Variants in SH3RF2 observed in about 807,000 individuals in gnomAD.
SH3RF2 encodes the protein E3 ubiquitin-protein ligase SH3RF2.
In SH3RF2, 43 loss-of-function variants were observed where a neutral mutation model predicts 59.0. The observed-to-expected ratio is 0.73, with a 90% CI of 0.57 to 0.94. The LOEUF (loss-of-function observed/expected upper bound fraction) is 0.94. SH3RF2 is among the 40% of genes least tolerant of loss of function. The probability of loss-of-function intolerance (pLI) is 0.00; values close to 1 mark genes in which losing one functional copy is unlikely to be tolerated. For missense variants in SH3RF2, 930 were observed against 940.1 expected (o/e 0.99, Z 0.14); for synonymous variants, 391 against 391.5 (o/e 1.00, Z 0.01).
Position 146,017,139 on chromosome 5 carries a change from G to A in SH3RF2, c.1059+3078G>A, listed in dbSNP as rs115139363. 3.9e-3 allele frequency among the ~76,000 whole-genome samples: 601 copies of A among 152,270 alleles called. 5 individuals are homozygous for A. The highest frequency in any genetic ancestry group is 0.017 in the Middle Eastern group (5 of 294). On this transcript the variant is annotated intron_variant, in intron 5 of 9. Coordinates refer to ENST00000359120, the MANE Select transcript of SH3RF2 (RefSeq NM_152550.4). ...CTTGAAACTTCTGGGTAGAGCATCA[G>A]GAAATGACCTCACAGATGAACTGCA...
intron 2 of SH3RF2, among the ~76,000 whole-genome samples, chr5:145,945,429 A>G (rs1381622593): frequency 6.6e-6 from 1 of 152,238 alleles, no homozygotes; most frequent in Non-Finnish European, 1.5e-5. Context: ...CTTGATTAAG[A>G]CAAAGAATTC....
In SH3RF2 at chr5:145,949,635, G is replaced by A. The variant is rs946669303; in HGVS notation, c.378+11329G>A. Among the ~76,000 whole-genome samples the A allele has an allele frequency of 2.0e-5, 3 of 152,156 alleles. No homozygotes were observed. In the South Asian group the frequency reaches 6.2e-4, roughly 32 times the overall value. ...GAATTCCCACAGCTGAGAGAAAGCC[G>A]AGTAGATTGGTTTGATGCATAAGGG... On this transcript the variant is annotated intron_variant, in intron 2 of 9. Transcript: ENST00000359120.
chr5:146,069,082 G>T (rs2150027609), intron 9 of SH3RF2, among the ~76,000 whole-genome samples: 1 of 151,994 alleles, frequency 6.6e-6, no homozygotes, highest in Middle Eastern at 3.4e-3. Flanking sequence ...GGAATTTTTA[G>T]TGCAACCCAT....
chr5:145,975,267 G>A (rs911909446), intron 2 of SH3RF2, among the ~76,000 whole-genome samples: 2 of 152,164 alleles, frequency 1.3e-5, no homozygotes, highest in African/African-American at 4.8e-5. Context: ...TTAACAAAAT[G>A]GCTCCAAAAG....
intron 9 of SH3RF2, among the ~76,000 whole-genome samples, chr5:146,077,955 C>T (rs73313963): frequency 3.7e-4 from 57 of 152,010 alleles, no homozygotes; most frequent in Admixed American, 4.6e-4. Flanking sequence ...TTGGCAGTAA[C>T]GGATGATAAC....
chr5:145,978,980 G>A (rs1157294791), intron 2 of SH3RF2, among the ~76,000 whole-genome samples: 1 of 152,134 alleles, frequency 6.6e-6, no homozygotes, highest in African/African-American at 2.4e-5. Context: ...GTTTTCCTGT[G>A]CTCATACTTC....
Position 146,029,514 on chromosome 5 carries a change from G to T in SH3RF2, c.1059+15453G>T, listed in dbSNP as rs142780466. 4.8e-3 allele frequency among the ~76,000 whole-genome samples: 736 copies of T among 152,230 alleles called. 3 individuals are homozygous for T. The highest frequency in any genetic ancestry group is 8.4e-3 in the Non-Finnish European group (572 of 68,028). ...CACATAGGCCCATCATCTGAGACTC[G>T]GTGATTCCATATCATTCTATTGGGC... is the stretch of plus-strand genomic sequence containing the variant. On this transcript the variant is annotated intron_variant, in intron 5 of 9. Coordinates refer to ENST00000359120, the MANE Select transcript of SH3RF2 (RefSeq NM_152550.4).
chr5:146,004,868 C>T (rs1383594354), intron 4 of SH3RF2, among the ~76,000 whole-genome samples: 1 of 152,050 alleles, frequency 6.6e-6, no homozygotes, highest in African/African-American at 2.4e-5. Flanking sequence ...TGTGAATATA[C>T]TTAACACTAC....
In SH3RF2 at chr5:146,049,178, A is replaced by T. The variant is rs751401833; in HGVS notation, c.1255A>T (p.Arg419Trp). Residue 419 changes from arginine (R) to tryptophan (W), a missense_variant, in exon 7 of 10, where the codon AGG (arginine) becomes TGG (tryptophan). By Grantham distance (101) the Arg-to-Trp change is moderately radical (BLOSUM62 -3). Coordinates refer to ENST00000359120, the MANE Select transcript of SH3RF2 (RefSeq NM_152550.4). The stretch of plus-strand genomic sequence containing the variant: ...GGGGAAGTGCCAGGACGGCTGGCTC[A>T]GGGGCGTCTCCTTGGTCACCGGGCG... ...VLGKCQDGWL[R>W]GVSLVTGRVG... is the part of the protein sequence containing the mutation. The T allele has an allele frequency of 2.4e-5, 38 of 1,614,006 alleles. No individual in the cohort carries two copies. Among genetic ancestry groups the T allele is most frequent in the Admixed American group, 3.3e-5 (2 of 60,000 alleles).
rs775298323 is a variant in SH3RF2 at position 146,056,119 on chromosome 5, GC to G, written c.1464del (p.Thr489LeufsTer3). On this transcript the variant is annotated frameshift_variant, in exon 8 of 10. Transcript: ENST00000359120. LOFTEE classifies it high-confidence loss of function. ...GCCGTCCCTTCAAATCCGTCTTTGTGCCCACTGCCATAGTCAACCCCGTGAG... is the reference window on the plus strand; with the variant it reads ...GCCGTCCCTTCAAATCCGTCTTTGTGCCACTGCCATAGTCAACCCCGTGAG... ...QSRPFKSVFVPTAIVNPVRST... is the reference protein window; with the variant it reads ...QSRPFKSVFVXTAIVNPVRST... 6.2e-7 allele frequency: 1 copy of G among 1,614,200 alleles called. No homozygotes were observed.
intron 2 of SH3RF2, among the ~76,000 whole-genome samples, chr5:145,991,570 G>A (rs1051767234): frequency 6.6e-6 from 1 of 151,918 alleles, no homozygotes; most frequent in Non-Finnish European, 1.5e-5. Context: ...TATCCAAAAC[G>A]GAGAAAAAGA....
At chr5:145,973,218 T>C (rs1759154994) in intron 2 of SH3RF2, among the ~76,000 whole-genome samples, 1 of 152,076 alleles carries the variant, frequency 6.6e-6, no homozygotes, top group Non-Finnish European at 1.5e-5. Context: ...AACTCAGAAA[T>C]CAGAGGCAGA....
intron 2 of SH3RF2, among the ~76,000 whole-genome samples, chr5:145,960,062 AT>A (rs1758572564): frequency 6.6e-6 from 1 of 152,120 alleles, no homozygotes; most frequent in African/African-American, 2.4e-5. Flanking sequence ...TATGTATTTA[AT>A]TTTGTTTTAG....
At chr5:145,982,071 G>C (rs1759527175) in intron 2 of SH3RF2, among the ~76,000 whole-genome samples, 1 of 152,226 alleles carries the variant, frequency 6.6e-6, no homozygotes, top group Non-Finnish European at 1.5e-5. Flanking sequence ...TGTGTTTACA[G>C]AAGATGATTA....
intron 5 of SH3RF2, among the ~76,000 whole-genome samples, chr5:146,014,551 A>T (rs545740516): frequency 6.6e-6 from 1 of 152,336 alleles, no homozygotes; most frequent in South Asian, 2.1e-4. Flanking sequence ...AGGACTGGTT[A>T]CCTACATTTA....
At chr5:146,004,494 G>T (rs745894362) in intron 4 of SH3RF2, among the ~76,000 whole-genome samples, 2 of 152,128 alleles carry the variant, frequency 1.3e-5, no homozygotes, top group African/African-American at 2.4e-5. Flanking sequence ...TGCAAAGATA[G>T]ATGTACAAAA....
At chr5:146,059,145 C>G (rs1378269394) in intron 8 of SH3RF2, among the ~76,000 whole-genome samples, 1 of 152,146 alleles carries the variant, frequency 6.6e-6, no homozygotes, top group Non-Finnish European at 1.5e-5. Context: ...TTAACTCATC[C>G]CAGGCTTTCC....
intron 9 of SH3RF2, among the ~76,000 whole-genome samples, chr5:146,071,762 A>G (rs1224336036): frequency 3.3e-5 from 5 of 152,160 alleles, no homozygotes; most frequent in Admixed American, 2.6e-4. Flanking sequence ...AGAAACTTGG[A>G]AAAGTGACAC....
At chr5:146,080,798 A>G (rs1244803116) in exon 10 of SH3RF2, 1 of 152,146 alleles carries the variant, frequency 6.6e-6, no homozygotes, top group Non-Finnish European at 1.5e-5. Flanking sequence ...GGAAAACCAA[A>G]AGGAATTTTC....
Sources: gnomAD v4.1 joint callset for allele counts (sites outside exome capture counted in the v4.1 genomes callset) on GRCh38, gnomAD v4.1.1 for gene constraint, MANE v1.5 for transcripts, NCBI Gene and HGNC (gene_info 2026-07-23, HGNC 2026-07-21) for gene names.